Variants in MAP7 observed in about 807,000 individuals in gnomAD.
MAP7 encodes ensconsin.
A neutral mutation model predicts 94.8 loss-of-function variants in MAP7; 52 were observed. That is an observed-to-expected ratio of 0.55 (90% CI 0.44 to 0.69). MAP7 has a LOEUF of 0.69. Among genes scored for constraint, MAP7 ranks in the 30% least tolerant of loss-of-function variants. The pLI is 0.00. For synonymous variants in MAP7, 350 were observed against 357.0 expected (o/e 0.98, Z 0.22); for missense variants, 940 against 964.6 (o/e 0.97, Z 0.34).
intron 1 of MAP7, among the ~76,000 whole-genome samples, chr6:136,495,679 T>C (rs1266761638): frequency 6.6e-6 from 1 of 152,138 alleles, no homozygotes; most frequent in East Asian, 1.9e-4. Context: ...ATATTAAACT[T>C]TCTTGGAAAG....
At chr6:136,370,502 A>G (rs989615354) in intron 8 of MAP7, among the ~76,000 whole-genome samples, 4 of 152,244 alleles carry the variant, frequency 2.6e-5, no homozygotes, top group African/African-American at 9.6e-5. Context: ...AGGTGAAAGC[A>G]ACCCAAATGT....
intron 1 of MAP7, among the ~76,000 whole-genome samples, chr6:136,431,648 G>A (rs544230879): frequency 1.3e-5 from 2 of 152,232 alleles, no homozygotes; most frequent in South Asian, 2.1e-4. Context: ...CTCCCGAGTA[G>A]CTGGGACTAC....
chr6:136,408,241 A>C (rs1254580660), intron 3 of MAP7, among the ~76,000 whole-genome samples: 1 of 152,196 alleles, frequency 6.6e-6, no homozygotes, highest in Non-Finnish European at 1.5e-5. Context: ...AAGGAAGAAA[A>C]ATAAAGCTTT....
At chr6:136,474,752 T>C (rs1163472011) in intron 1 of MAP7, among the ~76,000 whole-genome samples, 1 of 151,900 alleles carries the variant, frequency 6.6e-6, no homozygotes, top group Non-Finnish European at 1.5e-5. Flanking sequence ...AGCATCTTGT[T>C]CTTTCATCCA....
chr6:136,346,572 C>T (rs922907527), intron 16 of MAP7, among the ~76,000 whole-genome samples: 1 of 151,964 alleles, frequency 6.6e-6, no homozygotes, highest in Non-Finnish European at 1.5e-5. Flanking sequence ...TAAACAACAA[C>T]AAAAAAATTT....
chr6:136,372,535 C>A lies in MAP7; in HGVS notation c.842G>T (p.Gly281Val), dbSNP rs1774859109. 1 of 1,614,172 alleles carries A rather than the reference C, an allele frequency of 6.2e-7. No homozygotes were observed. Among genetic ancestry groups the A allele is most frequent in the East Asian group, 2.2e-5 (1 of 44,884 alleles). The part of the protein sequence containing the change: ...RPKLFVTPPE[G>V]SSRRRIIHGT... ...ATGAATGATCCTCCTGCGAGAAGAG[C>A]CCTCAGGTGGTGTTACAAAGAGTTT... The change falls in exon 8 of 18, where the codon GGC becomes GTC. Residue 281 changes from glycine (G) to valine (V), a missense_variant. Transcript: ENST00000354570.
chr6:136,526,201 G>A, intron 1 of MAP7: 1 of 1,226,614 alleles, frequency 8.2e-7, no homozygotes, highest in East Asian at 4.1e-5. Context: ...TCCCCTACCA[G>A]CCCCCTCCCA....
chr6:136,501,579 C>T (rs1819836823), intron 1 of MAP7, among the ~76,000 whole-genome samples: 1 of 152,030 alleles, frequency 6.6e-6, no homozygotes, highest in South Asian at 2.1e-4. Context: ...TTTTCCCTTC[C>T]ACTCCTGTCT....
chr6:136,496,350 A>G (rs9399183), intron 1 of MAP7, among the ~76,000 whole-genome samples: 51,793 of 152,092 alleles, frequency 0.34, 13,416 homozygotes, highest in African/African-American at 0.73. Context: ...TTTATGTCAT[A>G]CAACTAATAA....
intron 3 of MAP7, among the ~76,000 whole-genome samples, chr6:136,392,751 GA>G (rs1374197076): frequency 6.6e-6 from 1 of 152,178 alleles, no homozygotes; most frequent in African/African-American, 2.4e-5. Context: ...AACAGTGTAT[GA>G]TGGTCATAGG....
intron 1 of MAP7, among the ~76,000 whole-genome samples, chr6:136,518,388 C>G (rs947157435): frequency 6.6e-6 from 1 of 152,106 alleles, no homozygotes; most frequent in Admixed American, 6.5e-5. Flanking sequence ...GCCTGAAAAA[C>G]AGGACCTGCA....
At position 136,394,612 on chromosome 6, in the gene MAP7, A is replaced by G. The variant is rs1328873277; in HGVS notation, c.245-5095T>C. 3.9e-5 allele frequency among the ~76,000 whole-genome samples: 6 copies of G among 151,976 alleles called. No homozygotes were observed. The East Asian group carries it at 1.2e-3, about 29-fold the overall frequency. ...ATCTTCTCTTATAGATATATCATAT[A>G]TGTAATAAATTATTGTTAACAGTCA... On this transcript the variant is annotated intron_variant, in intron 3 of 17. Transcript: ENST00000354570.
intron 3 of MAP7, among the ~76,000 whole-genome samples, chr6:136,396,706 A>G (rs2128693215): frequency 6.6e-6 from 1 of 152,308 alleles, no homozygotes; most frequent in South Asian, 2.1e-4. Flanking sequence ...TCCTGGGTAA[A>G]TTGCTTAACC....
chr6:136,411,707 A>T lies in MAP7; in HGVS notation c.167-10T>A. 1.3e-6 allele frequency: 2 copies of T among 1,552,816 alleles called. No homozygotes were observed. The highest frequency in any genetic ancestry group is 1.7e-6 in the Non-Finnish European group (2 of 1,147,686). On this transcript the variant is annotated splice_polypyrimidine_tract_variant and intron_variant, in intron 2 of 17. Transcript: ENST00000354570. ...AACACAGGCGGAGGGTCTGAAAGCG[A>T]GATTAAAAAAAACATGAGATGAAGA...
intron 15 of MAP7, among the ~76,000 whole-genome samples, chr6:136,357,183 G>A (rs554327430): frequency 4.4e-4 from 67 of 152,288 alleles, no homozygotes; most frequent in African/African-American, 1.1e-3. Flanking sequence ...AGGATTCAGA[G>A]CAAATCACCA....
At chr6:136,364,213 A>G in intron 10 of MAP7, 1 of 537,804 alleles carries the variant, frequency 1.9e-6, no homozygotes, top group Non-Finnish European at 3.7e-6. Context: ...GTCAAGGAGG[A>G]TAAGATCAAT....
chr6:136,536,996 C>T (rs1828937436), intron 1 of MAP7, among the ~76,000 whole-genome samples: 2 of 152,218 alleles, frequency 1.3e-5, no homozygotes, highest in African/African-American at 2.4e-5. Context: ...CAGGCCTTCT[C>T]TCTTCCAAAG....
intron 1 of MAP7, among the ~76,000 whole-genome samples, chr6:136,543,375 G>A (rs774348399): frequency 6.6e-5 from 10 of 152,182 alleles, no homozygotes; most frequent in Non-Finnish European, 1.2e-4. Context: ...GGGGCTGGGT[G>A]CAGCGGCTCA....
chr6:136,508,720 T>C (rs1400700096), intron 1 of MAP7, among the ~76,000 whole-genome samples: 1 of 152,164 alleles, frequency 6.6e-6, no homozygotes, highest in Non-Finnish European at 1.5e-5. Context: ...ATGGTTTTCC[T>C]TTTTTTGTTT....
Sources: gnomAD v4.1 joint callset for allele counts (sites outside exome capture counted in the v4.1 genomes callset) on GRCh38, gnomAD v4.1.1 for gene constraint, MANE v1.5 for transcripts, NCBI Gene and HGNC (gene_info 2026-07-23, HGNC 2026-07-21) for gene names.